GAS7: variants seen among roughly 807,000 people sequenced by gnomAD.
GAS7 encodes the protein growth arrest-specific protein 7.
In GAS7, 28 loss-of-function variants were observed where a neutral mutation model predicts 71.1. The ratio of observed to expected loss-of-function variants is 0.39; its 90% CI spans 0.29 to 0.54. The LOEUF (loss-of-function observed/expected upper bound fraction) is 0.54, where lower values mean the gene tolerates loss of function less well. Ranked by LOEUF, GAS7 falls within the 20% of genes least tolerant of loss-of-function variation. The pLI is 0.62. For missense variants in GAS7, 436 were observed against 627.8 expected, an observed-to-expected ratio of 0.69 and a Z score of 3.27; for synonymous variants, 258 against 245.8, an observed-to-expected ratio of 1.05 and a Z score of -0.46.
At chr17:10,086,374 G>A (rs1294526409) in intron 1 of GAS7, among the ~76,000 whole-genome samples, 2 of 152,146 alleles carry the variant, frequency 1.3e-5, no homozygotes, top group South Asian at 2.1e-4. Flanking sequence ...GGAGATAAGC[G>A]GGGTCTATGA....
chr17:9,947,737 T>C (rs2068843427), intron 5 of GAS7, among the ~76,000 whole-genome samples: 2 of 143,556 alleles, frequency 1.4e-5, no homozygotes, highest in Non-Finnish European at 3.0e-5. Context: ...GCTGAGATCA[T>C]GCCATTGTAC....
intron 1 of GAS7, among the ~76,000 whole-genome samples, chr17:10,055,070 A>G (rs1351152866): frequency 6.6e-6 from 1 of 152,198 alleles, no homozygotes; most frequent in African/African-American, 2.4e-5. Flanking sequence ...CCACACATCA[A>G]GCAGGCTGAT....
chr17:10,179,425 G>C (rs2142140525), intron 1 of GAS7, among the ~76,000 whole-genome samples: 1 of 152,130 alleles, frequency 6.6e-6, no homozygotes, highest in Non-Finnish European at 1.5e-5. Flanking sequence ...GGAGATCTTG[G>C]ATGCAATCTG....
At chr17:10,025,991 C>T (rs1011068223) in intron 1 of GAS7, among the ~76,000 whole-genome samples, 13 of 152,122 alleles carry the variant, frequency 8.5e-5, no homozygotes, top group African/African-American at 1.9e-4. Flanking sequence ...ATTTAACAGA[C>T]GGTGGAGGTT....
At chr17:9,994,346 G>T (rs1471590940) in intron 2 of GAS7, among the ~76,000 whole-genome samples, 1 of 146,894 alleles carries the variant, frequency 6.8e-6, no homozygotes, top group East Asian at 1.9e-4. Flanking sequence ...TAGATCAATG[G>T]AACAGAACAG....
intron 1 of GAS7, among the ~76,000 whole-genome samples, chr17:10,180,152 C>A (rs2074403251): frequency 6.6e-6 from 1 of 151,926 alleles, no homozygotes; most frequent in Non-Finnish European, 1.5e-5. Context: ...ACCAGACTGG[C>A]CAACGTGAGG....
At chr17:10,010,299 C>T (rs2071717911) in intron 2 of GAS7, among the ~76,000 whole-genome samples, 2 of 151,974 alleles carry the variant, frequency 1.3e-5, no homozygotes, top group African/African-American at 4.8e-5. Context: ...TACAGGCACC[C>T]GCCACCACGC....
At chr17:10,169,407 C>A (rs2074318749) in intron 1 of GAS7, among the ~76,000 whole-genome samples, 1 of 152,170 alleles carries the variant, frequency 6.6e-6, no homozygotes, top group African/African-American at 2.4e-5. Context: ...TACGGACAGG[C>A]AAACACAGCC....
At chr17:10,090,164 G>A (rs548890029) in intron 1 of GAS7, among the ~76,000 whole-genome samples, 3 of 150,870 alleles carry the variant, frequency 2.0e-5, no homozygotes, top group Admixed American at 6.6e-5. Context: ...GAGAGACTCC[G>A]TCTCCAAAAA....
At chr17:10,145,672 C>T (rs935363889) in intron 1 of GAS7, among the ~76,000 whole-genome samples, 2 of 152,198 alleles carry the variant, frequency 1.3e-5, no homozygotes, top group African/African-American at 4.8e-5. Context: ...GATACAACCA[C>T]GCTTGCTGCT....
intron 1 of GAS7, among the ~76,000 whole-genome samples, chr17:10,029,861 AC>A (rs1286650619): frequency 6.6e-6 from 1 of 151,804 alleles, no homozygotes; most frequent in African/African-American, 2.4e-5. Context: ...CAAAAAAAAA[AC>A]AATAATAATA....
chr17:10,121,231 A>G (rs1224615835), intron 1 of GAS7, among the ~76,000 whole-genome samples: 3 of 152,012 alleles, frequency 2.0e-5, no homozygotes, highest in Non-Finnish European at 2.9e-5. Flanking sequence ...AAATACAAAA[A>G]TTAGCCGGAC....
intron 6 of GAS7, among the ~76,000 whole-genome samples, chr17:9,943,543 G>A (rs994062607): frequency 3.9e-5 from 6 of 152,266 alleles, no homozygotes; most frequent in Admixed American, 6.5e-5. Context: ...GATGCCTAAC[G>A]GCCTACGACT....
At chr17:10,061,785 C>T (rs192206634) in intron 1 of GAS7, among the ~76,000 whole-genome samples, 137 of 152,256 alleles carry the variant, frequency 9.0e-4, no homozygotes, top group African/African-American at 3.2e-3. Flanking sequence ...GGCGTTCCCA[C>T]TCCCAGCCTC....
In GAS7 at chr17:9,919,243, C is replaced by T. The variant is rs886994046; in HGVS notation, c.1218+383G>A. Among the ~76,000 whole-genome samples, 2 of 152,158 alleles carry T rather than the reference C, an allele frequency of 1.3e-5. No individual in the cohort carries two copies. Among genetic ancestry groups the T allele is most frequent in the African/African-American group, 4.8e-5 (2 of 41,430 alleles). The stretch of plus-strand genomic sequence containing the variant: ...CCATCCACTTTGCAAGGATCTCCTA[C>T]CAAGGACCTGCAACTCGTGTGTGTG... On this transcript the variant is annotated intron_variant, in intron 12 of 13. Transcript: ENST00000432992. The surrounding 1 kb of genome is among the most constrained non-coding windows in gnomAD (Gnocchi z 5.0).
At chr17:10,079,842 T>A (rs1000873137) in intron 1 of GAS7, among the ~76,000 whole-genome samples, 1 of 151,942 alleles carries the variant, frequency 6.6e-6, no homozygotes, top group African/African-American at 2.4e-5. Flanking sequence ...ATTGACAACA[T>A]CAAATTTAAA....
intron 1 of GAS7, among the ~76,000 whole-genome samples, chr17:10,070,621 C>T (rs2073330936): frequency 6.6e-6 from 1 of 152,116 alleles, no homozygotes; most frequent in Non-Finnish European, 1.5e-5. Context: ...GCCTCAGCCT[C>T]CCAAAGTGCT....
rs571200655 is a variant in GAS7 at position 9,940,257 on chromosome 17, G to A, written c.732-57C>T. ...CTCTCCAGTGCCAGATCGTGGGTCT[G>A]CCCTGCTGCCCTGCACACCTCAGCC... On this transcript the variant is annotated intron_variant, in intron 7 of 13. Transcript: ENST00000432992. The A allele has an allele frequency of 9.0e-6, 11 of 1,223,194 alleles. No individual in the cohort carries two copies. The Admixed American group carries it at 1.3e-4, about 15-fold the overall frequency. 75.8% of individuals were successfully genotyped at this position (1,223,194 alleles called of 1,614,324 possible).
chr17:10,141,009 G>A (rs1342716965), intron 1 of GAS7, among the ~76,000 whole-genome samples: 1 of 152,248 alleles, frequency 6.6e-6, no homozygotes, highest in Non-Finnish European at 1.5e-5. Flanking sequence ...CCACCCTGGT[G>A]TGCACCCAGC....
Sources: allele counts gnomAD v4.1 joint callset (sites outside exome capture counted in the v4.1 genomes callset), GRCh38; gene constraint gnomAD v4.1.1; non-coding constraint Gnocchi (gnomAD v3.1); transcripts MANE v1.5; gene names NCBI Gene and HGNC (gene_info 2026-07-23, HGNC 2026-07-21).